NASP: variants seen among roughly 807,000 people sequenced by gnomAD.
NASP encodes NASP histone chaperone.
In NASP, 24 loss-of-function variants were observed where a neutral mutation model predicts 89.5. That is an observed-to-expected ratio of 0.27 (90% CI 0.19 to 0.38). NASP has a LOEUF of 0.38. Among genes scored for constraint, NASP ranks in the 10% least tolerant of loss-of-function variants. NASP has a pLI of 1.00. For missense variants in NASP, 848 were observed against 921.4 expected (o/e 0.92, Z 1.03); for synonymous variants, 306 against 324.7 (o/e 0.94, Z 0.62).
At chr1:45,591,774 T>A (rs1352668465) in intron 2 of NASP, among the ~76,000 whole-genome samples, 1 of 152,202 alleles carries the variant, frequency 6.6e-6, no homozygotes, top group Non-Finnish European at 1.5e-5. Flanking sequence ...AATAATTAAC[T>A]AAAAAGCTTA....
At chr1:45,617,287 T>C (rs753609162) in intron 13 of NASP, 176 bp from the exon 14 acceptor site, 3 of 646,474 alleles carry the variant, frequency 4.6e-6, no homozygotes, top group East Asian at 2.9e-5. Flanking sequence ...GTGGGACAGA[T>C]TAATACATTC....
At chr1:45,617,196 T>C (rs539285516) in intron 13 of NASP, 1 of 385,428 alleles carries the variant, frequency 2.6e-6, no homozygotes, top group African/African-American at 2.1e-5. Context: ...GAATTCAAAC[T>C]TGTACAGTGA....
chr1:45,599,664 T>C (rs1643788188), intron 2 of NASP, among the ~76,000 whole-genome samples: 1 of 152,042 alleles, frequency 6.6e-6, no homozygotes, highest in Non-Finnish European at 1.5e-5. Flanking sequence ...CCTGACCTTG[T>C]GATCTGCCCG....
intron 1 of NASP, among the ~76,000 whole-genome samples, chr1:45,587,687 T>TATATATATATAA (rs66829841): frequency 0.22 from 16,991 of 77,978 alleles, 3,641 homozygotes; most frequent in Non-Finnish European, 0.23. Flanking sequence ...TATATATATA[T>TATATATATATAA]AATTAATTTT....
intron 11 of NASP, chr1:45,615,773 T>C (rs1034470845): frequency 3.9e-6 from 1 of 259,354 alleles, no homozygotes. Flanking sequence ...GTGTTTTGCA[T>C]TTCAAATGCT....
At position 45,602,509 on chromosome 1, in the gene NASP, A is replaced by G. The variant is rs534739851; in HGVS notation, c.218+144A>G. The G allele has an allele frequency of 1.3e-4, 102 of 766,150 alleles. 1 individual carries two copies. In the South Asian group the frequency reaches 1.7e-3, roughly 13 times the overall value. The allele number at this position is 766,150 out of a possible 1,614,324, so 47.5% of individuals were successfully genotyped here. ...TTTCATGTGGTTTGTACCAGTAACT[A>G]TAAGTGTAAAACTTAAATATCACCA... is the stretch of plus-strand genomic sequence containing the variant. On this transcript the variant is annotated intron_variant, in intron 3 of 14. Coordinates refer to ENST00000350030, the MANE Select transcript of NASP (RefSeq NM_002482.4).
At chr1:45,608,379 C>T (rs1488084515) in intron 6 of NASP, 42 bp downstream of exon 6, 2 of 1,545,908 alleles carry the variant, frequency 1.3e-6, no homozygotes. Flanking sequence ...GGAGTACATT[C>T]TGGATTTGAC....
chr1:45,586,111 A>G (rs908361790), intron 1 of NASP, among the ~76,000 whole-genome samples: 1 of 146,978 alleles, frequency 6.8e-6, no homozygotes, highest in Non-Finnish European at 1.5e-5. Context: ...AGTTCCTCAC[A>G]GCATAAATTG....
intron 4 of NASP, chr1:45,605,774 GTTT>G (rs66530330): frequency 2.2e-4 from 28 of 129,538 alleles, no homozygotes; most frequent in Non-Finnish European, 2.9e-4. Flanking sequence ...GTTCTGATAA[GTTT>G]TTTTTTTTTT....
intron 14 of NASP, 138 bp downstream of exon 14, chr1:45,617,729 CT>C: frequency 9.2e-7 from 1 of 1,088,556 alleles, no homozygotes; most frequent in Non-Finnish European, 1.3e-6. Context: ...GAAAACGGTA[CT>C]TGTGCAGGAA....
At chr1:45,617,797 A>T (rs1319174674) in intron 14 of NASP, among the ~76,000 whole-genome samples, 1 of 152,234 alleles carries the variant, frequency 6.6e-6, no homozygotes, top group South Asian at 2.1e-4. Context: ...CCTGTATATT[A>T]TAGGTCCCTC....
At chr1:45,600,866 A>G (rs1398235800) in intron 2 of NASP, among the ~76,000 whole-genome samples, 1 of 152,168 alleles carries the variant, frequency 6.6e-6, no homozygotes, top group Admixed American at 6.5e-5. Flanking sequence ...AGTCTTTTAA[A>G]ATTTTAGCTA....
intron 2 of NASP, among the ~76,000 whole-genome samples, chr1:45,596,753 A>C (rs1049283054): frequency 1.3e-5 from 2 of 152,126 alleles, no homozygotes; most frequent in East Asian, 3.9e-4. Flanking sequence ...GTACTTTGGG[A>C]GGCTGAGGCG....
At chr1:45,607,215 G>A (rs193229931) in intron 5 of NASP, 106 bp from the exon 6 acceptor site, 2 of 1,186,222 alleles carry the variant, frequency 1.7e-6, no homozygotes, top group Non-Finnish European at 2.4e-6. Flanking sequence ...GCTGAAACTT[G>A]GTAGGCTTTT....
At chr1:45,616,458 C>A in intron 12 of NASP, 65 bp downstream of exon 12, 1 of 1,567,240 alleles carries the variant, frequency 6.4e-7, no homozygotes, top group South Asian at 1.1e-5. Flanking sequence ...TGCCTGTAAT[C>A]CCAGCATTTT....
intron 12 of NASP, 115 bp downstream of exon 12, chr1:45,616,508 C>T (rs778522309): frequency 4.0e-6 from 6 of 1,496,388 alleles, no homozygotes; most frequent in Non-Finnish European, 4.6e-6. Context: ...GCTTGGAATT[C>T]AACACTAGCT....
rs542678186 is a variant in NASP, at chr1:45,596,812, T to C, written c.108-5443T>C. The stretch of plus-strand genomic sequence containing the variant: ...GTTTGGCAAACATGGTAAAACCCTG[T>C]CTCTAGTAAAAATACAAAAATTAGC... On this transcript the variant is annotated intron_variant, in intron 2 of 14. Coordinates refer to ENST00000350030, the MANE Select transcript of NASP (RefSeq NM_002482.4). 2.0e-5 allele frequency among the ~76,000 whole-genome samples: 3 copies of C among 151,882 alleles called. No homozygotes were observed. The East Asian group carries it at 5.8e-4, about 30-fold the overall frequency.
chr1:45,603,179 CA>C (rs1472027464), intron 3 of NASP, among the ~76,000 whole-genome samples: 3 of 152,058 alleles, frequency 2.0e-5, no homozygotes, highest in Non-Finnish European at 4.4e-5. Context: ...TTATTTTCCC[CA>C]AAGACTTTAA....
chr1:45,595,185 G>GTT (rs1375881276), intron 2 of NASP, among the ~76,000 whole-genome samples: 3 of 130,666 alleles, frequency 2.3e-5, no homozygotes, highest in Non-Finnish European at 3.4e-5. Flanking sequence ...GTGTGTGTGT[G>GTT]TGTTTTAGAG....
Sources: gnomAD v4.1 joint callset for allele counts (sites outside exome capture counted in the v4.1 genomes callset) on GRCh38, gnomAD v4.1.1 for gene constraint, MANE v1.5 for transcripts, NCBI Gene and HGNC (gene_info 2026-07-23, HGNC 2026-07-21) for gene names.